Variants in GRAMD2B observed in about 807,000 individuals in gnomAD.
GRAMD2B encodes GRAM domain-containing protein 2B.
A neutral mutation model predicts 59.2 loss-of-function variants in GRAMD2B; 41 were observed. The ratio of observed to expected loss-of-function variants is 0.69; its 90% CI spans 0.54 to 0.90. The LOEUF (loss-of-function observed/expected upper bound fraction) is 0.90, where lower values mean the gene tolerates loss of function less well. GRAMD2B is among the 40% of genes least tolerant of loss of function. The pLI is 0.00. For synonymous variants in GRAMD2B, 161 were observed against 182.7 expected, an observed-to-expected ratio of 0.88 and a Z score of 0.96; for missense variants, 424 against 500.5, an observed-to-expected ratio of 0.85 and a Z score of 1.46.
intron 2 of GRAMD2B, among the ~76,000 whole-genome samples, chr5:126,466,085 G>A (rs1345641204): frequency 1.3e-5 from 2 of 152,176 alleles, no homozygotes; most frequent in East Asian, 3.8e-4. Flanking sequence ...ACTAAAGTTG[G>A]TAGAGACTAA....
At chr5:126,472,608 A>T (rs903486720) in intron 4 of GRAMD2B, among the ~76,000 whole-genome samples, 7 of 152,182 alleles carry the variant, frequency 4.6e-5, no homozygotes, top group Non-Finnish European at 7.3e-5. Context: ...GATTTAGGAT[A>T]ACAAGCCTGG....
intron 1 of GRAMD2B, among the ~76,000 whole-genome samples, chr5:126,451,524 G>T (rs1304683216): frequency 1.3e-5 from 2 of 152,092 alleles, no homozygotes; most frequent in Non-Finnish European, 2.9e-5. Flanking sequence ...TACCACCATT[G>T]TATCTTGGAA....
intron 1 of GRAMD2B, chr5:126,445,630 G>C (rs1196163383): frequency 1.3e-5 from 2 of 151,628 alleles, no homozygotes; most frequent in Non-Finnish European, 1.5e-5. Context: ...TGGGGAGTGG[G>C]GGGTGAGGAG....
At chr5:126,485,485 T>G (rs936875480) in intron 10 of GRAMD2B, among the ~76,000 whole-genome samples, 6 of 152,194 alleles carry the variant, frequency 3.9e-5, no homozygotes, top group African/African-American at 1.4e-4. Flanking sequence ...CAAAGAAGGC[T>G]GTGGATAGGT....
At chr5:126,472,560 T>C (rs1769818604) in intron 4 of GRAMD2B, among the ~76,000 whole-genome samples, 1 of 152,174 alleles carries the variant, frequency 6.6e-6, no homozygotes, top group African/African-American at 2.4e-5. Context: ...TTCCCTTCTT[T>C]ATTTATTGCT....
intron 1 of GRAMD2B, among the ~76,000 whole-genome samples, chr5:126,379,219 T>C (rs1319674176): frequency 6.6e-6 from 1 of 152,184 alleles, no homozygotes; most frequent in Non-Finnish European, 1.5e-5. Context: ...TCCAGGTTGC[T>C]GCAAATGCCA....
chr5:126,488,983 G>A (rs921561113), intron 13 of GRAMD2B, 91 bp downstream of exon 13: 11 of 766,428 alleles, frequency 1.4e-5, no homozygotes, highest in Admixed American at 7.0e-5. Context: ...CTCAGACGCC[G>A]TTAGTGTGCC....
chr5:126,469,889 C>T, intron 3 of GRAMD2B, 101 bp downstream of exon 3: 1 of 760,118 alleles, frequency 1.3e-6, no homozygotes, highest in Non-Finnish European at 2.3e-6. Context: ...CTGGTCAAGA[C>T]TAATATAGGT....
At chr5:126,459,142 T>G (rs1271838840) in intron 1 of GRAMD2B, 1 of 152,238 alleles carries the variant, frequency 6.6e-6, no homozygotes, top group Non-Finnish European at 1.5e-5. Flanking sequence ...CTTTCACATT[T>G]CATTGACGGT....
At chr5:126,472,209 G>T (rs1319471622) in intron 3 of GRAMD2B, 29 bp from the exon 4 acceptor site, 2 of 1,555,792 alleles carry the variant, frequency 1.3e-6, no homozygotes, top group East Asian at 2.2e-5. Flanking sequence ...AGTGAGAATG[G>T]TGATGCTTGT....
At chr5:126,364,818 T>G (rs1190186456) in intron 1 of GRAMD2B, among the ~76,000 whole-genome samples, 2 of 152,232 alleles carry the variant, frequency 1.3e-5, no homozygotes, top group African/African-American at 4.8e-5. Flanking sequence ...AGTGGTATGT[T>G]CATTCCCAAA....
At chr5:126,401,640 G>T (rs983676546) in intron 1 of GRAMD2B, among the ~76,000 whole-genome samples, 1 of 151,970 alleles carries the variant, frequency 6.6e-6, no homozygotes, top group Non-Finnish European at 1.5e-5. Context: ...AATTTGCAGG[G>T]CCTCTTAAAT....
At chr5:126,416,956 C>G (rs1013986483) in intron 1 of GRAMD2B, among the ~76,000 whole-genome samples, 2 of 152,238 alleles carry the variant, frequency 1.3e-5, no homozygotes, top group Admixed American at 6.5e-5. Flanking sequence ...TTCTCAGTCT[C>G]TCCCACTAGA....
chr5:126,449,476 C>T (rs1182546284), intron 1 of GRAMD2B, among the ~76,000 whole-genome samples: 1 of 152,132 alleles, frequency 6.6e-6, no homozygotes, highest in Non-Finnish European at 1.5e-5. Context: ...GGTAGATTAA[C>T]ACCTTTGAAA....
chr5:126,492,348 A>G (rs534639606), intron 13 of GRAMD2B, among the ~76,000 whole-genome samples: 5 of 149,628 alleles, frequency 3.3e-5, no homozygotes, highest in South Asian at 2.1e-4. Flanking sequence ...CATCTCATTT[A>G]TCTCAGTCTC....
At chr5:126,469,829 A>G (rs1276817629) in intron 3 of GRAMD2B, 41 bp downstream of exon 3, 3 of 1,438,388 alleles carry the variant, frequency 2.1e-6, no homozygotes, top group East Asian at 2.3e-5. Context: ...AGAGGGTGAC[A>G]GGGCTACTGA....
chr5:126,431,522 G>T (rs1224347955), intron 1 of GRAMD2B, among the ~76,000 whole-genome samples: 2 of 152,294 alleles, frequency 1.3e-5, no homozygotes, highest in South Asian at 4.1e-4. Context: ...AATCTCTTCT[G>T]TTCCTCTCTT....
At chr5:126,466,266 G>A (rs1490947641) in intron 2 of GRAMD2B, 23 of 1,549,980 alleles carry the variant, frequency 1.5e-5, no homozygotes, top group East Asian at 1.2e-4. Context: ...TATTAACTCC[G>A]CTTTTTGCTT....
intron 1 of GRAMD2B, among the ~76,000 whole-genome samples, chr5:126,444,554 G>A (rs1763871466): frequency 1.3e-5 from 2 of 152,102 alleles, no homozygotes; most frequent in African/African-American, 4.8e-5. Context: ...GCTGATTTTT[G>A]TACCTAGAAT....
Sources: gnomAD v4.1 joint callset for allele counts (sites outside exome capture counted in the v4.1 genomes callset) on GRCh38, gnomAD v4.1.1 for gene constraint, MANE v1.5 for transcripts, NCBI Gene and HGNC (gene_info 2026-07-23, HGNC 2026-07-21) for gene names.